NKX2-1: variants seen among roughly 807,000 people sequenced by gnomAD.
NKX2-1 encodes NK2 homeobox 1, also known as homeobox protein Nkx-2.1.
A neutral mutation model predicts 35.1 loss-of-function variants in NKX2-1; 9 were observed. That is an observed-to-expected ratio of 0.26 (90% CI 0.15 to 0.45). The LOEUF (loss-of-function observed/expected upper bound fraction) is 0.45. Ranked by LOEUF, NKX2-1 falls within the 20% of genes least tolerant of loss-of-function variation. The probability of loss-of-function intolerance (pLI) is 1.00; values close to 1 mark genes in which losing one functional copy is unlikely to be tolerated. For missense variants in NKX2-1, 509 were observed against 589.1 expected, an observed-to-expected ratio of 0.86 and a Z score of 1.41; for synonymous variants, 284 against 269.9, an observed-to-expected ratio of 1.05 and a Z score of -0.51.
rs1432746671 is a variant in NKX2-1 at position 36,516,448 on chromosome 14, TTAGGAAC to T, written c.*823_*829del. 4.4e-6 allele frequency: 1 copy of T among 229,610 alleles called. No homozygotes were observed. Among genetic ancestry groups the T allele is most frequent in the Non-Finnish European group, 8.6e-6 (1 of 115,760 alleles). The allele number at this position is 229,610 out of a possible 1,614,324, so 14.2% of individuals were successfully genotyped here. A position where few individuals can be genotyped will look rare whatever the true frequency, so the allele number is the denominator to read the frequency against. On this transcript the variant is annotated 3_prime_UTR_variant, in exon 3 of 3. Transcript: ENST00000354822. ...ATTTGTATAATTTATTAGAAGCTTC[TTAGGAAC>T]TATATTTAAGCCAAATATCTACATA...
At position 36,520,174 on chromosome 14, in the gene NKX2-1, C is replaced by T. The variant is rs758109939; in HGVS notation, c.-45G>A. 1.9e-6 allele frequency: 3 copies of T among 1,607,574 alleles called. No individual in the cohort carries two copies. The highest frequency in any genetic ancestry group is 2.5e-6 in the Non-Finnish European group (3 of 1,178,024). ...CCCCAGTCGCCAACAAATGAGCGAG[C>T]GAGTCTGGGGACGAACCCTGGGGCC... is the stretch of plus-strand genomic sequence containing the variant. On this transcript the variant is annotated 5_prime_UTR_variant, in exon 1 of 3. Coordinates refer to ENST00000354822, the MANE Select transcript of NKX2-1 (RefSeq NM_001079668.3).
At position 36,517,869 on chromosome 14, in the gene NKX2-1, C is replaced by G; in HGVS notation, c.615G>C (p.Glu205Asp). The change falls in exon 3 of 3, where the codon GAG becomes GAC. Residue 205 changes from glutamate to aspartate, a missense_variant. Physicochemically the swap from Glu to Asp is conservative, Grantham distance 45 (BLOSUM62 2). Transcript: ENST00000354822. ...RVLFSQAQVY[E>D]LERRFKQQKY... ...TCTGTTGCTTGAAGCGTCGCTCCAG[C>G]TCGTACACCTGCGCCTGCGAGAAGA... The G allele has an allele frequency of 6.2e-7, 1 of 1,611,994 alleles. No individual in the cohort carries two copies. The highest frequency in any genetic ancestry group is 1.1e-5 in the South Asian group (1 of 90,738).
chr14:36,517,809 G>A lies in NKX2-1; in HGVS notation c.675C>T (p.Ala225=), dbSNP rs754880458. ...YLSAPEREHL[A]SMIHLTPTQV... is the part of the protein sequence containing the mutation. ...GCGTGGGCGTCAGGTGGATCATGCT[G>A]GCCAGGTGCTCGCGCTCCGGCGCCG... The change falls in exon 3 of 3, where the codon GCC becomes GCT. Residue 225 remains alanine, a synonymous_variant. Transcript: ENST00000354822. 1.2e-6 allele frequency: 2 copies of A among 1,612,682 alleles called. No individual in the cohort carries two copies. Among genetic ancestry groups the A allele is most frequent in the South Asian group, 1.1e-5 (1 of 90,860 alleles).
chr14:36,519,997 C>T, intron 1 of NKX2-1, 56 bp downstream of exon 1: 4 of 1,605,686 alleles, frequency 2.5e-6, no homozygotes, highest in East Asian at 2.2e-5. Flanking sequence ...CGGGGTTCCC[C>T]GGGCACGGAC....
At position 36,517,808 on chromosome 14, in the gene NKX2-1, T is replaced by A; in HGVS notation, c.676A>T (p.Ser226Cys). 1 of 1,612,808 alleles carries A rather than the reference T, an allele frequency of 6.2e-7. No individual in the cohort carries two copies. The highest frequency in any genetic ancestry group is 8.5e-7 in the Non-Finnish European group (1 of 1,179,794). The change falls in exon 3 of 3, where the codon AGC becomes TGC. Residue 226 changes from serine (S) to cysteine (C), a missense_variant. Physicochemically the swap from Ser to Cys is moderately radical, Grantham distance 112 (BLOSUM62 -1). Transcript: ENST00000354822. The part of the protein sequence containing the change: ...LSAPEREHLA[S>C]MIHLTPTQVK... ...TGCGTGGGCGTCAGGTGGATCATGC[T>A]GGCCAGGTGCTCGCGCTCCGGCGCC...
Position 36,519,215 on chromosome 14 carries a change from G to A in NKX2-1, c.233C>T (p.Pro78Leu), listed in dbSNP as rs750787733. 3 of 1,604,036 alleles carry A rather than the reference G, an allele frequency of 1.9e-6. No individual in the cohort carries two copies. Among genetic ancestry groups the A allele is most frequent in the Non-Finnish European group, 2.6e-6 (3 of 1,175,590 alleles). ...GTGCTGCTGCATGGCCGCTGTTGGC[G>A]GTGCCGCCTGGCCCTGCCTGTACGC... ...LAAYRQGQAA[P>L]PTAAMQQHAV... Residue 78 changes from proline to leucine, a missense_variant, in exon 2 of 3, where the codon CCG (proline) becomes CTG (leucine). Around this residue, in one of 5 missense-constraint regions of NKX2-1, gnomAD observed 271 missense variants for 284.1 expected, o/e 0.95. Coordinates refer to ENST00000354822, the MANE Select transcript of NKX2-1 (RefSeq NM_001079668.3).
rs1252004017 is a variant in NKX2-1 at position 36,517,664 on chromosome 14, A to T, written c.820T>A (p.Cys274Ser). The T allele has an allele frequency of 3.2e-6, 5 of 1,547,428 alleles. No homozygotes were observed. The South Asian group carries it at 6.0e-5, about 18-fold the overall frequency. Residue 274 changes from cysteine to serine, a missense_variant, in exon 3 of 3, where the codon TGC becomes AGC. This residue lies in a region of NKX2-1 where 212 missense variants were observed against 227.7 expected (regional missense o/e 0.93). Coordinates refer to ENST00000354822, the MANE Select transcript of NKX2-1 (RefSeq NM_001079668.3). ...TGCTGAGCCTGTTGCTGCTGCGGGC[A>T]CCCGGTGCCCCCGCCGCCCCCGCCG... ...GGGGGGGGTG[C>S]PQQQQAQQQS...
chr14:36,518,184 C>T (rs1178335263), intron 2 of NKX2-1, among the ~76,000 whole-genome samples, 164 bp from the exon 3 acceptor site: 1 of 152,102 alleles, frequency 6.6e-6, no homozygotes, highest in Admixed American at 6.5e-5. Flanking sequence ...GAACTGCCAG[C>T]GCCTGCCCCA....
intron 2 of NKX2-1, among the ~76,000 whole-genome samples, chr14:36,518,351 A>G (rs535391153): frequency 6.6e-6 from 1 of 152,284 alleles, no homozygotes; most frequent in Non-Finnish European, 1.5e-5. Context: ...CATTAGGATT[A>G]GCTGGCCACA....
chr14:36,518,081 T>G, intron 2 of NKX2-1, 61 bp from the exon 3 acceptor site: 1 of 1,577,946 alleles, frequency 6.3e-7, no homozygotes, highest in Admixed American at 1.8e-5. Context: ...ACCCCTGTTT[T>G]CCGCGCCATT....
In NKX2-1 at chr14:36,517,767, G is replaced by A; in HGVS notation, c.717C>T (p.Phe239=). 1.2e-6 allele frequency: 2 copies of A among 1,612,486 alleles called. No homozygotes were observed. The highest frequency in any genetic ancestry group is 1.7e-6 in the Non-Finnish European group (2 of 1,179,756). The part of the protein sequence containing the change: ...HLTPTQVKIW[F]QNHRYKMKRQ... Reference sequence around the variant, plus strand: ...GCTTCATTTTGTAGCGGTGGTTCTGGAACCAGATCTTGACCTGCGTGGGCG... The same window carrying A: ...GCTTCATTTTGTAGCGGTGGTTCTGAAACCAGATCTTGACCTGCGTGGGCG... Residue 239 remains phenylalanine, a synonymous_variant, in exon 3 of 3, where the codon TTC becomes TTT. Coordinates refer to ENST00000354822, the MANE Select transcript of NKX2-1 (RefSeq NM_001079668.3).
chr14:36,517,175 GA>G lies in NKX2-1; in HGVS notation c.*102del. The G allele has an allele frequency of 6.6e-7, 1 of 1,517,012 alleles. No individual in the cohort carries two copies. Among genetic ancestry groups the G allele is most frequent in the South Asian group, 1.2e-5 (1 of 80,742 alleles). 94.0% of individuals were successfully genotyped at this position (1,517,012 alleles called of 1,614,324 possible). A position where few individuals can be genotyped will look rare whatever the true frequency, so the allele number is the denominator to read the frequency against. On this transcript the variant is annotated 3_prime_UTR_variant, in exon 3 of 3. Transcript: ENST00000354822. ...GGTCTAAACGCGGCCAGGTTGTTAA[GA>G]AAAGTCGAAGCGCGTGGAGCAGCGG...
chr14:36,519,551 C>T, intron 1 of NKX2-1, 181 bp from the exon 2 acceptor site: 1 of 1,534,358 alleles, frequency 6.5e-7, no homozygotes. Context: ...TCGGGGGCTG[C>T]CTCGCGTTTG....
chr14:36,518,162 C>T, intron 2 of NKX2-1, 142 bp from the exon 3 acceptor site: 1 of 1,214,988 alleles, frequency 8.2e-7, no homozygotes, highest in Non-Finnish European at 1.1e-6. Context: ...GCCCAAGAGG[C>T]CCATCCGCGG....
chr14:36,519,362 C>A lies in NKX2-1; in HGVS notation c.86G>T (p.Arg29Leu). 1.9e-6 allele frequency: 3 copies of A among 1,612,766 alleles called. No homozygotes were observed. Among genetic ancestry groups the A allele is most frequent in the Non-Finnish European group, 2.5e-6 (3 of 1,179,944 alleles). The change falls in exon 2 of 3, where the codon CGA becomes CTA. Residue 29 changes from arginine to leucine, a missense_variant. Arg to Leu is a moderately radical substitution (Grantham distance 102). Around this residue, in one of 5 missense-constraint regions of NKX2-1, gnomAD observed 271 missense variants for 284.1 expected, o/e 0.95. Coordinates refer to ENST00000354822, the MANE Select transcript of NKX2-1 (RefSeq NM_001079668.3). ...GTGCTTTGGACTCATCGACATGATT[C>A]GGCGGCGGCTGGAGGAGGAAGGAAG... ...RSSPGRLSRR[R>L]IMSMSPKHTT...
At position 36,517,493 on chromosome 14, in the gene NKX2-1, C is replaced by T. The variant is rs2139406117; in HGVS notation, c.991G>A (p.Ala331Thr). The change falls in exon 3 of 3, where the codon GCA (alanine) becomes ACA (threonine). Residue 331 changes from alanine (A) to threonine (T), a missense_variant. This residue lies in a region of NKX2-1 where 212 missense variants were observed against 227.7 expected (regional missense o/e 0.93). Transcript: ENST00000354822. ...CCGCTGCCCACGGAGATGGCCGCTG[C>T]CGCCGCCTGCGCGGCCTGCGCCTGG... is the stretch of plus-strand genomic sequence containing the variant. ...QHQAQAAQAA[A>T]AAISVGSGGA... The T allele has an allele frequency of 7.4e-7, 1 of 1,349,232 alleles. No individual in the cohort carries two copies. Among genetic ancestry groups the T allele is most frequent in the South Asian group, 2.0e-5 (1 of 49,184 alleles). 83.6% of individuals were successfully genotyped at this position (1,349,232 alleles called of 1,614,324 possible). A position where few individuals can be genotyped will look rare whatever the true frequency, so the allele number is the denominator to read the frequency against.
rs1389159718 is a variant in NKX2-1, at chr14:36,517,374, C to A, written c.1110G>T (p.Leu370=). ...LAHHAASPAA[L]QGQVSSLSHL... ...GGGACAGGCTGGATACCTGGCCCTGCAGCGCCGCGGGGCTGGCGGCGTGGT... is the reference window on the plus strand; with the variant it reads ...GGGACAGGCTGGATACCTGGCCCTGAAGCGCCGCGGGGCTGGCGGCGTGGT... Residue 370 remains leucine (L), a synonymous_variant, in exon 3 of 3, where the codon CTG becomes CTT. Coordinates refer to ENST00000354822, the MANE Select transcript of NKX2-1 (RefSeq NM_001079668.3). The A allele has an allele frequency of 6.2e-7, 1 of 1,606,622 alleles. No homozygotes were observed. The highest frequency in any genetic ancestry group is 1.3e-5 in the African/African-American group (1 of 74,762).
At position 36,517,091 on chromosome 14, in the gene NKX2-1, A is replaced by AAGGTGG; in HGVS notation, c.*186_*187insCCACCT. ...TTAAAAAAAAAAACCCACAAATTTT[A>AAGGTGG]GGGGGGGAAAAAAAGAAAGACGTCC... On this transcript the variant is annotated 3_prime_UTR_variant, in exon 3 of 3. Coordinates refer to ENST00000354822, the MANE Select transcript of NKX2-1 (RefSeq NM_001079668.3). 2 of 1,026,192 alleles carry AAGGTGG rather than the reference A, an allele frequency of 1.9e-6. No homozygotes were observed. The highest frequency in any genetic ancestry group is 2.6e-6 in the Non-Finnish European group (2 of 759,258). The allele number at this position is 1,026,192 out of a possible 1,614,324, so 63.6% of individuals were successfully genotyped here. A position where few individuals can be genotyped will look rare whatever the true frequency, so the allele number is the denominator to read the frequency against.
chr14:36,518,942 C>A, intron 2 of NKX2-1, 43 bp downstream of exon 2: 1 of 1,503,804 alleles, frequency 6.6e-7, no homozygotes, highest in South Asian at 1.3e-5. Context: ...GCCGCACCTC[C>A]TGAGCTCAGC....
Sources: gnomAD v4.1 joint callset for allele counts (sites outside exome capture counted in the v4.1 genomes callset) on GRCh38, gnomAD v4.1.1 for gene constraint, gnomAD v4.1.1 regional missense constraint, MANE v1.5 for transcripts, NCBI Gene and HGNC (gene_info 2026-07-23, HGNC 2026-07-21) for gene names.